Variants in TRIP12 observed in about 807,000 individuals in gnomAD.
TRIP12 encodes the protein E3 ubiquitin-protein ligase TRIP12.
TRIP12 carries 25 observed loss-of-function variants against 244.2 expected under a neutral mutation model. That is an observed-to-expected ratio of 0.10 (90% CI 0.07 to 0.14). The LOEUF (loss-of-function observed/expected upper bound fraction) is 0.14. Ranked by LOEUF, TRIP12 falls within the 10% of genes least tolerant of loss-of-function variation. TRIP12 has a pLI of 1.00. For synonymous variants in TRIP12, 905 were observed against 873.1 expected (o/e 1.04, Z -0.64); for missense variants, 1,677 against 2,486.4 (o/e 0.67, Z 6.92).
At position 229,859,213 on chromosome 2, in the gene TRIP12, T is replaced by C. The variant is rs1383969006; in HGVS notation, c.586A>G (p.Ser196Gly). The change falls in exon 4 of 42, where the codon AGT (serine) becomes GGT (glycine). Residue 196 changes from serine to glycine, a missense_variant. Coordinates refer to ENST00000675903, the MANE Select transcript of TRIP12 (RefSeq NM_001348323.3). ...SRSQKRKRTE[S>G]SCVKSGSGSE... Reference sequence around the variant, plus strand: ...CCGGAGCCACTCTTTACACAAGAACTCTCTGTCCTTTTTCTTTTCTGACTC... The same window carrying C: ...CCGGAGCCACTCTTTACACAAGAACCCTCTGTCCTTTTTCTTTTCTGACTC... 1 of 1,614,030 alleles carries C rather than the reference T, an allele frequency of 6.2e-7. No homozygotes were observed. Among genetic ancestry groups the C allele is most frequent in the East Asian group, 2.2e-5 (1 of 44,898 alleles).
rs777156417 is a variant in TRIP12, at chr2:229,769,338, ATAAGGGTAAAAAGAATTAC to A, written c.5809-32_5809-14del. ...GGAGCTGATCCAGCTGTGAGTTTAA[ATAAGGGTAAAAAGAATTAC>A]TAAGGAAACATTTGTTTACGTGAGT... On this transcript the variant is annotated splice_polypyrimidine_tract_variant and intron_variant, in intron 39 of 41. Coordinates refer to ENST00000675903, the MANE Select transcript of TRIP12 (RefSeq NM_001348323.3). The A allele has an allele frequency of 6.2e-7, 1 of 1,613,340 alleles. No individual in the cohort carries two copies. The highest frequency in any genetic ancestry group is 1.1e-5 in the South Asian group (1 of 91,032).
chr2:229,800,336 T>TAACG (rs2043951232), intron 21 of TRIP12, among the ~76,000 whole-genome samples: 1 of 152,196 alleles, frequency 6.6e-6, no homozygotes, highest in South Asian at 2.1e-4. Context: ...TAGCCTGTTC[T>TAACG]AACGACAGTA....
intron 8 of TRIP12, among the ~76,000 whole-genome samples, chr2:229,823,447 G>C (rs894718794): frequency 2.6e-5 from 4 of 151,862 alleles, no homozygotes; most frequent in Admixed American, 2.6e-4. Context: ...GCCGAGGTGG[G>C]GTGGATCAGG....
intron 37 of TRIP12, among the ~76,000 whole-genome samples, chr2:229,774,511 C>T (rs1293343886): frequency 6.6e-6 from 1 of 152,106 alleles, no homozygotes; most frequent in Non-Finnish European, 1.5e-5. Context: ...TCAGTTTAAG[C>T]ATATGCAAAT....
chr2:229,779,008 T>C lies in TRIP12; in HGVS notation c.5095-18A>G, dbSNP rs767426135. 8 of 1,598,512 alleles carry C rather than the reference T, an allele frequency of 5.0e-6. No individual in the cohort carries two copies. In the African/African-American group the frequency reaches 5.4e-5, roughly 11 times the overall value. On this transcript the variant is annotated intron_variant, in intron 34 of 41. Coordinates refer to ENST00000675903, the MANE Select transcript of TRIP12 (RefSeq NM_001348323.3). Reference sequence around the variant, plus strand: ...GTACCAACCTACAGAAGAACACAAGTAGAACGATTTCAAATTTTAAGAATT... The same window carrying C: ...GTACCAACCTACAGAAGAACACAAGCAGAACGATTTCAAATTTTAAGAATT...
intron 1 of TRIP12, among the ~76,000 whole-genome samples, chr2:229,917,289 G>A (rs1187117146): frequency 1.4e-5 from 2 of 144,350 alleles, no homozygotes; most frequent in Non-Finnish European, 3.0e-5. Context: ...GCTGAGGCAA[G>A]AGAATGGCAT....
chr2:229,777,192 GAATT>G, intron 37 of TRIP12, 119 bp downstream of exon 37: 1 of 1,133,228 alleles, frequency 8.8e-7, no homozygotes, highest in Non-Finnish European at 1.2e-6. Flanking sequence ...TACAATAAAA[GAATT>G]AAAATCTTCT....
rs564935984 is a variant in TRIP12, at chr2:229,785,040, G to C, written c.5094+717C>G. On this transcript the variant is annotated intron_variant, in intron 34 of 41. Transcript: ENST00000675903. Reference sequence around the variant, plus strand: ...AAACAACCCAAATGTGAATCAACTGGTGATTGTTAAACATACTTTGGTGCA... The same window carrying C: ...AAACAACCCAAATGTGAATCAACTGCTGATTGTTAAACATACTTTGGTGCA... 5.3e-5 allele frequency among the ~76,000 whole-genome samples: 8 copies of C among 152,290 alleles called. No individual in the cohort carries two copies. The South Asian group carries it at 1.7e-3, about 32-fold the overall frequency.
At chr2:229,824,680 T>C (rs774760741) in intron 8 of TRIP12, among the ~76,000 whole-genome samples, 3 of 152,302 alleles carry the variant, frequency 2.0e-5, no homozygotes, top group Non-Finnish European at 2.9e-5. Context: ...CACCAAAATA[T>C]AGTGTCAAAA....
upstream of TRIP12, among the ~76,000 whole-genome samples, chr2:229,922,907 G>A (rs1303582868): frequency 6.6e-6 from 1 of 152,222 alleles, no homozygotes; most frequent in Non-Finnish European, 1.5e-5. Flanking sequence ...CGCGCGAAGA[G>A]GAAAACGGGC....
At chr2:229,849,699 CA>C (rs1170387804) in intron 4 of TRIP12, among the ~76,000 whole-genome samples, 3 of 147,862 alleles carry the variant, frequency 2.0e-5, no homozygotes, top group African/African-American at 2.5e-5. Context: ...CTCATCTCTA[CA>C]AAAAAAAAAT....
intron 1 of TRIP12, among the ~76,000 whole-genome samples, chr2:229,899,781 G>T (rs1329008789): frequency 6.6e-6 from 1 of 152,164 alleles, no homozygotes; most frequent in African/African-American, 2.4e-5. Flanking sequence ...GGGAGTTCTA[G>T]CAAGAGACAA....
intron 37 of TRIP12, 46 bp from the exon 38 acceptor site, chr2:229,774,307 T>C: frequency 3.2e-6 from 5 of 1,544,482 alleles, no homozygotes; most frequent in Non-Finnish European, 4.4e-6. Context: ...CAAAATTAAC[T>C]TACGGTTGTT....
chr2:229,877,143 CTACTTGCGATGCAGTGAGCTA>C (rs1377076604), intron 2 of TRIP12, among the ~76,000 whole-genome samples: 1 of 152,084 alleles, frequency 6.6e-6, no homozygotes, highest in East Asian at 1.9e-4. Flanking sequence ...GTCTTCTCAA[CTACTTGCGATGCAGTGAGCTA>C]TGATTCCATC....
At chr2:229,878,630 G>A (rs547137305) in intron 2 of TRIP12, among the ~76,000 whole-genome samples, 11 of 150,390 alleles carry the variant, frequency 7.3e-5, no homozygotes, top group African/African-American at 2.7e-4. Flanking sequence ...CGCCCAGGCT[G>A]GAGTGCAGTG....
intron 18 of TRIP12, 76 bp downstream of exon 18, chr2:229,805,654 G>A: frequency 1.5e-6 from 2 of 1,332,858 alleles, no homozygotes; most frequent in South Asian, 2.2e-5. Flanking sequence ...TACTTAATAA[G>A]CCAATTATTA....
At chr2:229,850,820 C>T (rs2058526337) in intron 4 of TRIP12, among the ~76,000 whole-genome samples, 1 of 152,246 alleles carries the variant, frequency 6.6e-6, no homozygotes, top group African/African-American at 2.4e-5. Flanking sequence ...GAGGAGCAGC[C>T]GGCCCTGCCG....
rs949450810 is a variant in TRIP12, at chr2:229,788,850, C to T, written c.4786G>A (p.Val1596Ile). 2 of 1,613,802 alleles carry T rather than the reference C, an allele frequency of 1.2e-6. No homozygotes were observed. Residue 1596 changes from valine to isoleucine, a missense_variant, in exon 32 of 42, where the codon GTA (valine) becomes ATA (isoleucine). By Grantham distance (29) the Val-to-Ile change is conservative. Transcript: ENST00000675903. ...KANRQLQDPL[V>I]IMTGNIPTWL... The stretch of plus-strand genomic sequence containing the variant: ...GTTGGGATGTTTCCTGTCATGATTA[C>T]TAAAGGATCTTGAAGTTGCCTATTT...
chr2:229,770,411 G>A (rs2033807130), intron 39 of TRIP12, among the ~76,000 whole-genome samples: 1 of 152,192 alleles, frequency 6.6e-6, no homozygotes. Flanking sequence ...GTGCCTACAA[G>A]TATCAGGCAC....
Sources: allele counts gnomAD v4.1 joint callset (sites outside exome capture counted in the v4.1 genomes callset), GRCh38; gene constraint gnomAD v4.1.1; transcripts MANE v1.5; gene names NCBI Gene and HGNC (gene_info 2026-07-23, HGNC 2026-07-21).